SNX31: variants seen among roughly 807,000 people sequenced by gnomAD.
The protein encoded by SNX31 is sorting nexin-31.
Under a neutral mutation model 65.4 loss-of-function variants are expected in SNX31, and 58 were observed. The observed-to-expected ratio is 0.89, with a 90% CI of 0.72 to 1.10. The LOEUF is 1.10. Ranked by LOEUF, SNX31 falls within the 50% of genes least tolerant of loss-of-function variation. SNX31 has a pLI of 0.00. For synonymous variants in SNX31, 181 were observed against 190.1 expected (o/e 0.95, Z 0.39); for missense variants, 523 against 529.7 (o/e 0.99, Z 0.12).
chr8:100,574,099 A>T lies in SNX31; in HGVS notation c.1228-139T>A, dbSNP rs549322527. The T allele has an allele frequency of 5.4e-4, 285 of 523,778 alleles. 2 individuals are homozygous for T. Among genetic ancestry groups the T allele is most frequent in the Admixed American group, 1.4e-3 (37 of 25,598 alleles). The allele number at this position is 523,778 out of a possible 1,614,324, so 32.4% of individuals were successfully genotyped here. On this transcript the variant is annotated intron_variant, in intron 13 of 13. Transcript: ENST00000311812. ...TGTATAAGCAATGGTTATTTTAAAC[A>T]GTTTTATTCTGTAGAAGCTTTATTT...
chr8:100,595,427 G>A (rs1030206219), intron 10 of SNX31, among the ~76,000 whole-genome samples: 1 of 151,418 alleles, frequency 6.6e-6, no homozygotes, highest in Non-Finnish European at 1.5e-5. Flanking sequence ...TCCCACCTCA[G>A]CCTCCCCAGT....
Position 100,576,876 on chromosome 8 carries a change from A to G in SNX31, c.1227+143T>C, listed in dbSNP as rs1267761770. ...TACTATACTTCTGTGATGGCCTTCC[A>G]ATTGGCCCAATCTACAAAGAGGAGC... is the stretch of plus-strand genomic sequence containing the variant. On this transcript the variant is annotated intron_variant, in intron 13 of 13. Transcript: ENST00000311812. This position sits in a 1 kb window ranked among gnomAD's most constrained non-coding sequence, Gnocchi z 4.8. The G allele has an allele frequency of 1.5e-6, 1 of 673,692 alleles. No individual in the cohort carries two copies. The highest frequency in any genetic ancestry group is 2.7e-5 in the East Asian group (1 of 37,564). The allele number at this position is 673,692 out of a possible 1,614,324, so 41.7% of individuals were successfully genotyped here.
At chr8:100,635,829 G>A in intron 3 of SNX31, 68 bp downstream of exon 3, 1 of 994,976 alleles carries the variant, frequency 1.0e-6, no homozygotes, top group South Asian at 1.4e-5. Flanking sequence ...ACTTTAGCAG[G>A]TGAATTTTGT....
At position 100,629,527 on chromosome 8, in the gene SNX31, C is replaced by T. The variant is rs1279018794; in HGVS notation, c.321+800G>A. Among the ~76,000 whole-genome samples, 1 of 152,082 alleles carries T rather than the reference C, an allele frequency of 6.6e-6. No individual in the cohort carries two copies. Among genetic ancestry groups the T allele is most frequent in the African/African-American group, 2.4e-5 (1 of 41,410 alleles). On this transcript the variant is annotated intron_variant, in intron 4 of 13. Transcript: ENST00000311812. This position sits in a 1 kb window ranked among gnomAD's most constrained non-coding sequence, Gnocchi z 5.1. ...GTTTACATGAGATTTGTTGTGAGAACCCAATGGGATTTTATTTTATAAATG... is the reference window on the plus strand; with the variant it reads ...GTTTACATGAGATTTGTTGTGAGAATCCAATGGGATTTTATTTTATAAATG...
chr8:100,637,089 T>A (rs1438033731), intron 2 of SNX31, among the ~76,000 whole-genome samples: 2 of 152,176 alleles, frequency 1.3e-5, no homozygotes, highest in African/African-American at 4.8e-5. Flanking sequence ...TGACATATGA[T>A]CCCAAGTAGA....
At chr8:100,639,734 C>T (rs28793141) in intron 2 of SNX31, among the ~76,000 whole-genome samples, 59,332 of 151,896 alleles carry the variant, frequency 0.39, 12,043 homozygotes, top group East Asian at 0.49. Flanking sequence ...AACAACACTC[C>T]AGTAACAATG....
At chr8:100,574,987 ACCGCAAATCTTT>A (rs1413341180) in intron 13 of SNX31, among the ~76,000 whole-genome samples, 1 of 152,234 alleles carries the variant, frequency 6.6e-6, no homozygotes, top group East Asian at 1.9e-4. Flanking sequence ...GGTTAGGGTT[ACCGCAAATCTTT>A]AAAGAGTAAT....
Position 100,613,082 on chromosome 8 carries a change from C to A in SNX31, c.436G>T (p.Val146Leu), listed in dbSNP as rs776440606. The change falls in exon 6 of 14, where the codon GTG becomes TTG. Residue 146 changes from valine (V) to leucine (L), a missense_variant. Val to Leu is a conservative substitution (Grantham distance 32). Transcript: ENST00000311812. This position sits in a 1 kb window ranked among gnomAD's most constrained non-coding sequence, Gnocchi z 5.2. ...CGACACAGTCCAATTTTGTGTGACACCACCTTTAACCAGAAACAAGCAGAA... is the reference window on the plus strand; with the variant it reads ...CGACACAGTCCAATTTTGTGTGACAACACCTTTAACCAGAAACAAGCAGAA... ...SDTAERVLEVVSHKIGLCREL... is the reference protein window; with the variant it reads ...SDTAERVLEVLSHKIGLCREL... 116 of 1,613,552 alleles carry A rather than the reference C, an allele frequency of 7.2e-5. No individual in the cohort carries two copies. Among genetic ancestry groups the A allele is most frequent in the Non-Finnish European group, 9.6e-5 (113 of 1,179,704 alleles).
intron 4 of SNX31, among the ~76,000 whole-genome samples, chr8:100,624,396 CAG>C (rs1817908727): frequency 6.6e-6 from 1 of 152,180 alleles, no homozygotes; most frequent in Non-Finnish European, 1.5e-5. Context: ...CTCTGGAGGA[CAG>C]GGGAGTGTTA....
Position 100,574,627 on chromosome 8 carries a change from G to A in SNX31, c.1228-667C>T, listed in dbSNP as rs530982526. ...CAGCCTGGCAACAGAGTGAGACTCC[G>A]TCTAAAAAAAAAAAAAAAAAGAAGA... On this transcript the variant is annotated intron_variant, in intron 13 of 13. Transcript: ENST00000311812. 2.4e-4 allele frequency among the ~76,000 whole-genome samples: 19 copies of A among 78,628 alleles called. No homozygotes were observed. In the South Asian group the frequency reaches 5.4e-3, roughly 22 times the overall value. The allele number at this position is 78,628 out of a possible 152,430, so 51.6% of individuals were successfully genotyped here.
In SNX31 at chr8:100,613,227, T is replaced by A; in HGVS notation, c.433-142A>T. The A allele has an allele frequency of 1.6e-6, 1 of 628,402 alleles. No individual in the cohort carries two copies. Among genetic ancestry groups the A allele is most frequent in the Non-Finnish European group, 2.8e-6 (1 of 359,082 alleles). 38.9% of individuals were successfully genotyped at this position (628,402 alleles called of 1,614,324 possible). On this transcript the variant is annotated intron_variant, in intron 5 of 13. Coordinates refer to ENST00000311812, the MANE Select transcript of SNX31 (RefSeq NM_152628.4). The surrounding 1 kb of genome is among the most constrained non-coding windows in gnomAD (Gnocchi z 5.2). ...TTAGTGAACACTCAAAGAAAGCTTT[T>A]TGGAATCAAAAAATGGTATCCATCT...
At chr8:100,574,666 G>A (rs1214518163) in intron 13 of SNX31, among the ~76,000 whole-genome samples, 1 of 151,370 alleles carries the variant, frequency 6.6e-6, no homozygotes, top group Non-Finnish European at 1.5e-5. Flanking sequence ...CGTGTACAGT[G>A]GCTCACGCCT....
upstream of SNX31, among the ~76,000 whole-genome samples, chr8:100,652,660 T>C (rs982194470): frequency 2.0e-5 from 3 of 152,176 alleles, no homozygotes; most frequent in Non-Finnish European, 4.4e-5. Flanking sequence ...TGTAATCTTT[T>C]TGGCTCTTTG....
intron 12 of SNX31, among the ~76,000 whole-genome samples, chr8:100,581,873 A>C (rs1813587984): frequency 6.6e-6 from 1 of 152,094 alleles, no homozygotes; most frequent in Admixed American, 6.5e-5. Flanking sequence ...GAGTTCAAAC[A>C]CTGAACTGTC....
chr8:100,635,848 G>T, intron 3 of SNX31, 49 bp downstream of exon 3: 1 of 1,317,026 alleles, frequency 7.6e-7, no homozygotes. Flanking sequence ...GTGGCATATA[G>T]CTTACATTGC....
In SNX31 at chr8:100,648,322, CTTT is replaced by C. The variant is rs33988254; in HGVS notation, c.141+949_141+951del. ...GAAAGTTTTTTCAGTTTTCTCTACA[CTTT>C]TTTTTTTTTTTTTTTTAATAGAGAC... On this transcript the variant is annotated intron_variant, in intron 2 of 13. Transcript: ENST00000311812. The surrounding 1 kb of genome is among the most constrained non-coding windows in gnomAD (Gnocchi z 4.3). 1.5e-5 allele frequency among the ~76,000 whole-genome samples: 2 copies of C among 131,406 alleles called. No individual in the cohort carries two copies. The highest frequency in any genetic ancestry group is 2.4e-4 in the South Asian group (1 of 4,132). The allele number at this position is 131,406 out of a possible 152,430, so 86.2% of individuals were successfully genotyped here. A position where few individuals can be genotyped will look rare whatever the true frequency, so the allele number is the denominator to read the frequency against.
At position 100,660,375 on chromosome 8, in the gene SNX31, C is replaced by T. The variant is rs1809763007; in HGVS notation, c.-58+2767G>A. 6.6e-6 allele frequency among the ~76,000 whole-genome samples: 1 copy of T among 152,188 alleles called. No individual in the cohort carries two copies. Among genetic ancestry groups the T allele is most frequent in the African/African-American group, 2.4e-5 (1 of 41,446 alleles). ...TGAATCCAGGCTCTCTAAGCCTAAACTCTTTGCAGCAATTTTTATTATTTA... is the reference window on the plus strand; with the variant it reads ...TGAATCCAGGCTCTCTAAGCCTAAATTCTTTGCAGCAATTTTTATTATTTA... On this transcript the variant is annotated intron_variant, in intron 1 of 5. Coordinates refer to the SNX31 transcript ENST00000520352. The surrounding 1 kb of genome is among the most constrained non-coding windows in gnomAD (Gnocchi z 4.1).
In SNX31 at chr8:100,612,484, CAAA is replaced by C. The variant is rs35312071; in HGVS notation, c.524-400_524-398del. 5.6e-3 allele frequency among the ~76,000 whole-genome samples: 819 copies of C among 145,716 alleles called. 12 individuals are homozygous for C. Among genetic ancestry groups the C allele is most frequent in the African/African-American group, 0.02 (784 of 40,088 alleles). On this transcript the variant is annotated intron_variant, in intron 6 of 13. Transcript: ENST00000311812. This position sits in a 1 kb window ranked among gnomAD's most constrained non-coding sequence, Gnocchi z 4.3. The stretch of plus-strand genomic sequence containing the variant: ...CTTTAATATAACTGATACCATTTTA[CAAA>C]AAAAAAAAACTTGTAATATCTAGAA...
intron 9 of SNX31, among the ~76,000 whole-genome samples, chr8:100,598,388 G>A (rs1424817982): frequency 6.6e-6 from 1 of 152,170 alleles, no homozygotes; most frequent in Admixed American, 6.5e-5. Flanking sequence ...CACTTTCTAA[G>A]TGATATGGTA....
Sources: allele counts gnomAD v4.1 joint callset (sites outside exome capture counted in the v4.1 genomes callset), GRCh38; gene constraint gnomAD v4.1.1; non-coding constraint Gnocchi (gnomAD v3.1); transcripts MANE v1.5; gene names NCBI Gene and HGNC (gene_info 2026-07-23, HGNC 2026-07-21).